The following MID2 variants were observed in gnomAD, a reference collection of about 807,000 sequenced individuals.
MID2 encodes the protein midline 2, also known as probable E3 ubiquitin-protein ligase MID2.
A neutral mutation model predicts 46.1 loss-of-function variants in MID2; 13 were observed. The observed-to-expected ratio is 0.28, with a 90% confidence interval of 0.18 to 0.45. MID2 has a LOEUF of 0.45. MID2 is among the 20% of genes least tolerant of loss of function. The pLI is 1.00. For missense variants in MID2, 431 were observed against 575.4 expected (o/e 0.75, Z 2.57); for synonymous variants, 199 against 212.3 (o/e 0.94, Z 0.55).
chrX:107,887,459 T>A (rs922219566), intron 3 of MID2, among the ~76,000 whole-genome samples: 9 of 112,146 alleles, frequency 8.0e-5, no homozygotes, highest in African/African-American at 2.9e-4. Flanking sequence ...CAGCCTTGCA[T>A]CCCAGGGATG....
intron 3 of MID2, among the ~76,000 whole-genome samples, chrX:107,896,619 A>G (rs1932740735): frequency 8.9e-6 from 1 of 112,550 alleles, no homozygotes; most frequent in Non-Finnish European, 1.9e-5. Flanking sequence ...GTGTATATAT[A>G]TGTGTGTGAA....
chrX:107,870,753 CTT>C (rs59717985), intron 3 of MID2, among the ~76,000 whole-genome samples: 12 of 74,157 alleles, frequency 1.6e-4, no homozygotes, highest in South Asian at 6.5e-4. Context: ...CAAATTGCGG[CTT>C]TTTTTTTTTT....
Position 107,826,400 on chromosome X carries a change from A to T in MID2, c.-27A>T, listed in dbSNP as rs1429898680. The T allele has an allele frequency of 8.8e-7, 1 of 1,134,991 alleles. No individual in the cohort carries two copies. Among genetic ancestry groups the T allele is most frequent in the African/African-American group, 1.9e-5 (1 of 52,757 alleles). The allele number at this position is 1,134,991 out of a possible 1,213,427, so 93.5% of individuals were successfully genotyped here. A position where few individuals can be genotyped will look rare whatever the true frequency, so the allele number is the denominator to read the frequency against. On this transcript the variant is annotated 5_prime_UTR_variant, in exon 1 of 10. Coordinates refer to ENST00000262843, the MANE Select transcript of MID2 (RefSeq NM_012216.4). ...GAGCCCAGCGCCCTCGAGCGAGCGG[A>T]GGAGATGGCTGGCACCTGGGAACGC...
intron 3 of MID2, among the ~76,000 whole-genome samples, chrX:107,878,371 T>A (rs1182842332): frequency 1.1e-5 from 1 of 91,973 alleles, no homozygotes; most frequent in African/African-American, 4.1e-5. Flanking sequence ...TCTGCAGCTG[T>A]TGGGGTGGGG....
chrX:107,846,947 A>G (rs1264086644), intron 2 of MID2, among the ~76,000 whole-genome samples: 3 of 112,298 alleles, frequency 2.7e-5, no homozygotes, highest in Non-Finnish European at 5.6e-5. Flanking sequence ...GCAAAGAAAC[A>G]TATTACAGAA....
intron 5 of MID2, among the ~76,000 whole-genome samples, chrX:107,910,523 G>T (rs1932876261): frequency 9.1e-6 from 1 of 109,532 alleles, no homozygotes; most frequent in South Asian, 4.0e-4. Flanking sequence ...ACTGACTAGT[G>T]GGATTGCTGG....
rs1413566186 is a variant in MID2, at chrX:107,905,433, A to T, written c.925-45A>T. On this transcript the variant is annotated intron_variant, in intron 4 of 9. Coordinates refer to ENST00000262843, the MANE Select transcript of MID2 (RefSeq NM_012216.4). ...TGTTTTTTATTGTTTTTAATTAAGC[A>T]CTGCATGTTTTATCTTATTTTTTTC... 26 of 1,041,716 alleles carry T rather than the reference A, an allele frequency of 2.5e-5. No homozygotes were observed. The East Asian group carries it at 7.7e-4, about 31-fold the overall frequency. The allele number at this position is 1,041,716 out of a possible 1,213,427, so 85.8% of individuals were successfully genotyped here. A position where few individuals can be genotyped will look rare whatever the true frequency, so the allele number is the denominator to read the frequency against.
chrX:107,832,552 G>A (rs1013933305), intron 1 of MID2, among the ~76,000 whole-genome samples: 1 of 111,404 alleles, frequency 9.0e-6, no homozygotes, highest in Non-Finnish European at 1.9e-5. Context: ...GAGATGGGCA[G>A]GGCAGGTATT....
At position 107,841,993 on chromosome X, in the gene MID2, AAAAACAAAACAAAAC is replaced by A. The variant is rs1008321315; in HGVS notation, c.720+622_720+636del. ...TAGGGCTAATTCTAAGCCTGCCTTT[AAAAACAAAACAAAAC>A]AAAACAAAACAAAGAACTGAAGAAA... On this transcript the variant is annotated intron_variant, in intron 2 of 9. Transcript: ENST00000262843. Among the ~76,000 whole-genome samples, 3 of 112,890 alleles carry A rather than the reference AAAAACAAAACAAAAC, an allele frequency of 2.7e-5. No individual in the cohort carries two copies. In the South Asian group the frequency reaches 1.1e-3, roughly 41 times the overall value.
At chrX:107,867,910 T>C (rs1931991844) in intron 3 of MID2, among the ~76,000 whole-genome samples, 1 of 111,431 alleles carries the variant, frequency 9.0e-6, no homozygotes, top group African/African-American at 3.3e-5. Context: ...CCTGTAGTTA[T>C]GCAAATGAAA....
At position 107,924,644 on chromosome X, in the gene MID2, T is replaced by A. The variant is rs780097100; in HGVS notation, c.1597+140T>A. ...GAGCTATACTGTTGTAGTTTGTACT[T>A]TGGGCAAGGAGTTTGTTGGTGCCCA... On this transcript the variant is annotated intron_variant, in intron 8 of 9. Transcript: ENST00000262843. 14 of 634,620 alleles carry A rather than the reference T, an allele frequency of 2.2e-5. No homozygotes were observed. In the Admixed American group the frequency reaches 4.5e-4, roughly 20 times the overall value. The allele number at this position is 634,620 out of a possible 1,213,427, so 52.3% of individuals were successfully genotyped here.
intron 3 of MID2, among the ~76,000 whole-genome samples, chrX:107,863,786 T>C (rs760157991): frequency 8.9e-6 from 1 of 112,652 alleles, no homozygotes; most frequent in Non-Finnish European, 1.9e-5. Context: ...CCACAGCAGA[T>C]AGGCACACAG....
chrX:107,872,154 T>TC (rs1301254818), intron 3 of MID2, among the ~76,000 whole-genome samples: 1 of 111,645 alleles, frequency 9.0e-6, no homozygotes, highest in Non-Finnish European at 1.9e-5. Context: ...GTCAGATTCC[T>TC]CCCCAAGGTC....
At chrX:107,875,889 T>C (rs1277842024) in intron 3 of MID2, among the ~76,000 whole-genome samples, 1 of 111,566 alleles carries the variant, frequency 9.0e-6, no homozygotes, top group African/African-American at 3.3e-5. Flanking sequence ...TTTTCAGAAC[T>C]ACCTGGGGCT....
chrX:107,851,987 G>A (rs1052337450), intron 2 of MID2, among the ~76,000 whole-genome samples: 1 of 110,852 alleles, frequency 9.0e-6, no homozygotes, highest in Non-Finnish European at 1.9e-5. Context: ...CCGCCTCTGC[G>A]GTTCAAGTGA....
Position 107,880,112 on chromosome X carries a change from G to T in MID2, c.817-23846G>T, listed in dbSNP as rs181331802. Among the ~76,000 whole-genome samples the T allele has an allele frequency of 5.2e-4, 56 of 107,717 alleles. 1 individual carries two copies. The highest frequency in any genetic ancestry group is 1.7e-4 in the Non-Finnish European group (9 of 52,350). The allele number at this position is 107,717 out of a possible 115,157, so 93.5% of individuals were successfully genotyped here. On this transcript the variant is annotated intron_variant, in intron 3 of 9. Transcript: ENST00000262843. ...TGGGCCATGCCTCTCAGAATTTGGG[G>T]ACTAGGGTTTTTCTTTCTTTTTCTT...
At chrX:107,875,890 A>G (rs2147846198) in intron 3 of MID2, among the ~76,000 whole-genome samples, 1 of 111,463 alleles carries the variant, frequency 9.0e-6, no homozygotes, top group South Asian at 3.8e-4. Flanking sequence ...TTTCAGAACT[A>G]CCTGGGGCTC....
intron 3 of MID2, among the ~76,000 whole-genome samples, chrX:107,883,798 T>C (rs187074650): frequency 1.2e-3 from 134 of 112,456 alleles, no homozygotes; most frequent in African/African-American, 4.2e-3. Context: ...TGTTTGAACA[T>C]AGTCTATGGG....
chrX:107,894,429 C>T (rs1932672264), intron 3 of MID2, among the ~76,000 whole-genome samples: 1 of 111,744 alleles, frequency 8.9e-6, no homozygotes, highest in Non-Finnish European at 1.9e-5. Context: ...TCTCCTAGGT[C>T]TCCTAGAGGT....
Sources: allele counts gnomAD v4.1 joint callset (sites outside exome capture counted in the v4.1 genomes callset), GRCh38; gene constraint gnomAD v4.1.1; transcripts MANE v1.5; gene names NCBI Gene and HGNC (gene_info 2026-07-23, HGNC 2026-07-21).